Variants in CACNA1I observed in about 807,000 individuals in gnomAD.
The protein encoded by CACNA1I is calcium voltage-gated channel subunit alpha1 I.
Under a neutral mutation model 201.6 loss-of-function variants are expected in CACNA1I, and 74 were observed. The ratio of observed to expected loss-of-function variants is 0.37; its 90% CI spans 0.30 to 0.45. The LOEUF is 0.45. Ranked by LOEUF, CACNA1I falls within the 20% of genes least tolerant of loss-of-function variation. The pLI, the probability that CACNA1I is intolerant of heterozygous loss-of-function variation, is 1.00. For synonymous variants in CACNA1I, 1,431 were observed against 1,345.2 expected (o/e 1.06, Z -1.40); for missense variants, 2,346 against 3,138.1 (o/e 0.75, Z 6.03).
At position 39,658,345 on chromosome 22, in the gene CACNA1I, G is replaced by T. The variant is rs944530450; in HGVS notation, c.2144+42G>T. ...CCACCCGGCAGCAGAGTGCCTCGGG[G>T]GGACATTTACTGCAAAGACCCCAGC... On this transcript the variant is annotated intron_variant, in intron 11 of 36. Transcript: ENST00000402142. The T allele has an allele frequency of 2.5e-6, 4 of 1,594,500 alleles. No homozygotes were observed. In the African/African-American group the frequency reaches 5.4e-5, roughly 21 times the overall value.
chr22:39,664,994 G>T, intron 21 of CACNA1I, 71 bp downstream of exon 21: 1 of 1,441,672 alleles, frequency 6.9e-7, no homozygotes. Context: ...GTCGAATTGG[G>T]CCCTCACTCC....
At position 39,686,627 on chromosome 22, in the gene CACNA1I, C is replaced by CATAT. The variant is rs72041195; in HGVS notation, c.*245_*248dup. The CATAT allele has an allele frequency of 0.13, 16,185 of 126,816 alleles. 1,243 individuals carry two copies. Among genetic ancestry groups the CATAT allele is most frequent in the East Asian group, 0.32 (1,361 of 4,224 alleles). The allele number at this position is 126,816 out of a possible 1,614,324, so 7.9% of individuals were successfully genotyped here. A position where few individuals can be genotyped will look rare whatever the true frequency, so the allele number is the denominator to read the frequency against. The stretch of plus-strand genomic sequence containing the variant: ...ATACATACATATATATATATATATG[C>CATAT]ATATATATATATATATATATATATA... On this transcript the variant is annotated 3_prime_UTR_variant, in exon 37 of 37. Transcript: ENST00000402142.
At position 39,672,151 on chromosome 22, in the gene CACNA1I, G is replaced by T. The variant is rs772286051; in HGVS notation, c.4540-48G>T. 1.2e-5 allele frequency: 15 copies of T among 1,205,316 alleles called. No individual in the cohort carries two copies. The East Asian group carries it at 3.5e-4, about 28-fold the overall frequency. The allele number at this position is 1,205,316 out of a possible 1,614,324, so 74.7% of individuals were successfully genotyped here. Reference sequence around the variant, plus strand: ...GACTTTCTGAGTGGAGGAAGGTTGTGGAGCAGGTCATGTGCCCTGGATCAT... The same window carrying T: ...GACTTTCTGAGTGGAGGAAGGTTGTTGAGCAGGTCATGTGCCCTGGATCAT... On this transcript the variant is annotated intron_variant, in intron 26 of 36. Coordinates refer to ENST00000402142, the MANE Select transcript of CACNA1I (RefSeq NM_021096.4).
intron 1 of CACNA1I, among the ~76,000 whole-genome samples, chr22:39,573,087 A>G (rs971643803): frequency 6.6e-6 from 1 of 152,086 alleles, no homozygotes; most frequent in African/African-American, 2.4e-5. Flanking sequence ...GCACTGGGGA[A>G]ACCTCAGGGG....
intron 29 of CACNA1I, among the ~76,000 whole-genome samples, chr22:39,674,931 C>T (rs910677608): frequency 6.6e-6 from 1 of 152,192 alleles, no homozygotes; most frequent in African/African-American, 2.4e-5. Context: ...TTGGTGTGAG[C>T]TTCCCAGCAG....
chr22:39,626,638 C>T (rs1247996820), intron 4 of CACNA1I, among the ~76,000 whole-genome samples: 1 of 151,936 alleles, frequency 6.6e-6, no homozygotes, highest in Admixed American at 6.6e-5. Context: ...TGCTCTGTTG[C>T]CAGGCTGGAG....
chr22:39,658,974 C>T lies in CACNA1I; in HGVS notation c.2188C>T (p.Leu730=). 6.2e-7 allele frequency: 1 copy of T among 1,606,682 alleles called. No homozygotes were observed. Among genetic ancestry groups the T allele is most frequent in the Non-Finnish European group, 8.5e-7 (1 of 1,177,966 alleles). The change falls in exon 12 of 37, where the codon CTG becomes TTG. Residue 730 remains leucine (L), a synonymous_variant. Coordinates refer to ENST00000402142, the MANE Select transcript of CACNA1I (RefSeq NM_021096.4). ...GCAGGCGGACGGTGGGCTGTCGGTG[C>T]TGCGGACCTTCCGGCTGCTGCGCGT... ...VGQADGGLSV[L]RTFRLLRVLK...
intron 1 of CACNA1I, among the ~76,000 whole-genome samples, chr22:39,571,494 C>T (rs938180905): frequency 1.3e-5 from 2 of 152,166 alleles, no homozygotes. Flanking sequence ...GCTCATGTTC[C>T]CCCTGCTTAA....
intron 1 of CACNA1I, among the ~76,000 whole-genome samples, chr22:39,593,149 G>A (rs533005522): frequency 6.0e-4 from 91 of 152,354 alleles, no homozygotes; most frequent in Admixed American, 2.1e-3. Flanking sequence ...CCAGTGCAGT[G>A]GGCGAGTTAG....
At chr22:39,641,421 C>G (rs1934348430) in intron 6 of CACNA1I, among the ~76,000 whole-genome samples, 1 of 152,224 alleles carries the variant, frequency 6.6e-6, no homozygotes. Flanking sequence ...GGCTCTTAAC[C>G]CAGCTCTGGG....
chr22:39,651,532 C>T (rs928936351), intron 10 of CACNA1I, among the ~76,000 whole-genome samples: 2 of 152,212 alleles, frequency 1.3e-5, no homozygotes, highest in Non-Finnish European at 2.9e-5. Context: ...GCTTAGAGTT[C>T]AGCCTCTGGT....
intron 1 of CACNA1I, among the ~76,000 whole-genome samples, chr22:39,595,905 A>G: frequency 6.6e-6 from 1 of 151,464 alleles, no homozygotes; most frequent in Non-Finnish European, 1.5e-5. Context: ...AGAGACAATG[A>G]GCATGTCAGC....
In CACNA1I at chr22:39,619,293, C is replaced by T. The variant is rs905834827; in HGVS notation, c.483-17C>T. ...GGCCTCCAGCACCATCCCTCACTCT[C>T]TCTCCTTTCTCTGCAGGATGGTCGA... On this transcript the variant is annotated splice_polypyrimidine_tract_variant and intron_variant, in intron 3 of 36. Coordinates refer to ENST00000402142, the MANE Select transcript of CACNA1I (RefSeq NM_021096.4). 1.3e-6 allele frequency: 2 copies of T among 1,596,098 alleles called. No homozygotes were observed. The highest frequency in any genetic ancestry group is 1.7e-6 in the Non-Finnish European group (2 of 1,170,498).
rs184834421 is a variant in CACNA1I, at chr22:39,607,980, C to T, written c.482+7327C>T. On this transcript the variant is annotated intron_variant, in intron 3 of 36. Coordinates refer to ENST00000402142, the MANE Select transcript of CACNA1I (RefSeq NM_021096.4). ...TAAAAATACAAAAAAATTAGCTGGG[C>T]GTGGTGGCAGACACCTGTAATCCCA... is the stretch of plus-strand genomic sequence containing the variant. Among the ~76,000 whole-genome samples the T allele has an allele frequency of 2.1e-3, 322 of 151,464 alleles. 1 individual carries two copies. The highest frequency in any genetic ancestry group is 7.4e-3 in the African/African-American group (307 of 41,210).
At chr22:39,674,556 G>A (rs1281690955) in intron 29 of CACNA1I, among the ~76,000 whole-genome samples, 1 of 152,180 alleles carries the variant, frequency 6.6e-6, no homozygotes, top group African/African-American at 2.4e-5. Flanking sequence ...GAGAAGTTAG[G>A]GAAGTTGCTC....
At chr22:39,658,807 T>C (rs1171249958) in intron 11 of CACNA1I, 124 bp from the exon 12 acceptor site, 2 of 846,048 alleles carry the variant, frequency 2.4e-6, no homozygotes, top group Non-Finnish European at 3.7e-6. Context: ...AACATATTTG[T>C]CAGATGGATG....
chr22:39,613,046 G>A (rs532979330), intron 3 of CACNA1I, among the ~76,000 whole-genome samples: 4 of 152,200 alleles, frequency 2.6e-5, no homozygotes, highest in Non-Finnish European at 5.9e-5. Flanking sequence ...AAGCCCCCGT[G>A]GGCCCCTTGT....
intron 20 of CACNA1I, among the ~76,000 whole-genome samples, chr22:39,664,385 G>A (rs1028423014): frequency 1.3e-5 from 2 of 152,090 alleles, no homozygotes; most frequent in Admixed American, 6.5e-5. Context: ...ACAGATGGGT[G>A]CAGGGAACAC....
At chr22:39,600,486 C>T in intron 2 of CACNA1I, 34 bp from the exon 3 acceptor site, 1 of 1,596,006 alleles carries the variant, frequency 6.3e-7, no homozygotes, top group East Asian at 2.2e-5. Context: ...GCAACCTCAC[C>T]CTGTCCCTTG....
Sources: allele counts gnomAD v4.1 joint callset (sites outside exome capture counted in the v4.1 genomes callset), GRCh38; gene constraint gnomAD v4.1.1; transcripts MANE v1.5; gene names NCBI Gene and HGNC (gene_info 2026-07-23, HGNC 2026-07-21).